The following DOCK3 variants were observed in gnomAD, a reference collection of about 807,000 sequenced individuals.
DOCK3 encodes dedicator of cytokinesis protein 3.
In DOCK3, 60 loss-of-function variants were observed where a neutral mutation model predicts 265.6. The observed-to-expected ratio is 0.23, with a 90% confidence interval of 0.18 to 0.28. The LOEUF (loss-of-function observed/expected upper bound fraction) is 0.28. Among genes scored for constraint, DOCK3 ranks in the 10% least tolerant of loss-of-function variants. The probability of loss-of-function intolerance (pLI) is 1.00; values close to 1 mark genes in which losing one functional copy is unlikely to be tolerated. For synonymous variants in DOCK3, 881 were observed against 938.0 expected (o/e 0.94, Z 1.11); for missense variants, 1,981 against 2,594.3 (o/e 0.76, Z 5.14).
In DOCK3 at chr3:51,223,577, A is replaced by G. The variant is rs1043809390; in HGVS notation, c.1253-2072A>G. On this transcript the variant is annotated intron_variant, in intron 14 of 52. Coordinates refer to ENST00000266037, the MANE Select transcript of DOCK3 (RefSeq NM_004947.5). ...ATAAATAATAAAAAAAATCTAGACT[A>G]TTCACCTTGTGCTATATCAGTCTAC... Among the ~76,000 whole-genome samples the G allele has an allele frequency of 2.0e-5, 3 of 152,144 alleles. No homozygotes were observed. The East Asian group carries it at 5.8e-4, about 29-fold the overall frequency.
At chr3:50,907,531 C>G (rs1325261170) in intron 4 of DOCK3, among the ~76,000 whole-genome samples, 2 of 151,896 alleles carry the variant, frequency 1.3e-5, no homozygotes, top group African/African-American at 4.8e-5. Context: ...CTTTTTTGAT[C>G]TTTGTTGGTT....
intron 4 of DOCK3, among the ~76,000 whole-genome samples, chr3:50,931,281 C>T (rs568142521): frequency 6.6e-6 from 1 of 152,210 alleles, no homozygotes; most frequent in Non-Finnish European, 1.5e-5. Flanking sequence ...AGGAACTTCA[C>T]TTTCTTCATG....
intron 14 of DOCK3, among the ~76,000 whole-genome samples, chr3:51,224,032 T>C (rs964780796): frequency 6.6e-6 from 1 of 152,230 alleles, no homozygotes; most frequent in Non-Finnish European, 1.5e-5. Context: ...TCCAAGGGTT[T>C]GTGCAGATGT....
At chr3:51,138,260 T>A (rs997098858) in intron 9 of DOCK3, among the ~76,000 whole-genome samples, 1 of 152,230 alleles carries the variant, frequency 6.6e-6, no homozygotes, top group Non-Finnish European at 1.5e-5. Flanking sequence ...TTCAAATAGT[T>A]TGAATATTAA....
At chr3:51,024,380 A>G (rs1452383071) in intron 5 of DOCK3, among the ~76,000 whole-genome samples, 1 of 152,188 alleles carries the variant, frequency 6.6e-6, no homozygotes, top group East Asian at 1.9e-4. Context: ...TTGTGGATGT[A>G]TCCCTGGGTA....
intron 1 of DOCK3, among the ~76,000 whole-genome samples, chr3:50,724,016 A>G (rs187480932): frequency 6.6e-6 from 1 of 152,342 alleles, no homozygotes; most frequent in African/African-American, 2.4e-5. Context: ...AAACAACCCC[A>G]TCAAAAAATG....
At chr3:51,147,237 A>T (rs910819015) in intron 10 of DOCK3, among the ~76,000 whole-genome samples, 19 of 152,228 alleles carry the variant, frequency 1.2e-4, no homozygotes, top group African/African-American at 4.6e-4. Flanking sequence ...GGTATCCACC[A>T]AGTTTACAGC....
intron 27 of DOCK3, among the ~76,000 whole-genome samples, chr3:51,294,272 A>T (rs186713853): frequency 6.6e-6 from 1 of 152,378 alleles, no homozygotes; most frequent in Admixed American, 6.5e-5. Context: ...AAGAAGTAGG[A>T]AATTTTGTCA....
chr3:50,854,885 G>A (rs2046516001), intron 3 of DOCK3, among the ~76,000 whole-genome samples: 1 of 151,946 alleles, frequency 6.6e-6, no homozygotes, highest in Non-Finnish European at 1.5e-5. Context: ...TTATTGAATA[G>A]GGTGTTCTCT....
At chr3:51,012,864 C>G (rs2079007478) in intron 5 of DOCK3, among the ~76,000 whole-genome samples, 1 of 152,088 alleles carries the variant, frequency 6.6e-6, no homozygotes, top group Non-Finnish European at 1.5e-5. Flanking sequence ...CTTTTTTTCT[C>G]TAAACCTCTC....
At chr3:50,993,002 A>G (rs948404308) in intron 5 of DOCK3, among the ~76,000 whole-genome samples, 3 of 152,222 alleles carry the variant, frequency 2.0e-5, no homozygotes, top group Non-Finnish European at 4.4e-5. Context: ...TTGGGCATCA[A>G]ATTTACACAA....
chr3:50,925,764 A>G (rs1007405389), intron 4 of DOCK3, among the ~76,000 whole-genome samples: 6 of 150,044 alleles, frequency 4.0e-5, no homozygotes, highest in Non-Finnish European at 7.4e-5. Flanking sequence ...TGATGGCGGT[A>G]GGTAAAACTG....
Position 50,989,856 on chromosome 3 carries a change from T to C in DOCK3, c.315+55779T>C, listed in dbSNP as rs553680988. On this transcript the variant is annotated intron_variant, in intron 5 of 52. Transcript: ENST00000266037. ...TGAATATGGATAGGAACAAAGATAA[T>C]TGAGAGTCAGGAGGATGGCAAAACC... Among the ~76,000 whole-genome samples the C allele has an allele frequency of 2.6e-5, 4 of 152,074 alleles. No homozygotes were observed. In the South Asian group the frequency reaches 6.2e-4, roughly 24 times the overall value.
intron 5 of DOCK3, among the ~76,000 whole-genome samples, chr3:50,977,874 C>T (rs1460552530): frequency 6.6e-6 from 1 of 151,954 alleles, no homozygotes; most frequent in Non-Finnish European, 1.5e-5. Context: ...AACTTCCCTT[C>T]TCGCTTCATT....
At chr3:51,027,092 G>A (rs2108920925) in intron 5 of DOCK3, among the ~76,000 whole-genome samples, 1 of 152,204 alleles carries the variant, frequency 6.6e-6, no homozygotes, top group East Asian at 1.9e-4. Flanking sequence ...TAGGCATTTA[G>A]GAGTATAAAC....
At chr3:51,013,519 C>T (rs1449770494) in intron 5 of DOCK3, among the ~76,000 whole-genome samples, 2 of 152,184 alleles carry the variant, frequency 1.3e-5, no homozygotes, top group East Asian at 3.9e-4. Flanking sequence ...GCAAATATTG[C>T]TGCCTGATCA....
At position 50,974,085 on chromosome 3, in the gene DOCK3, A is replaced by G. The variant is rs1177007231; in HGVS notation, c.315+40008A>G. On this transcript the variant is annotated intron_variant, in intron 5 of 52. Coordinates refer to ENST00000266037, the MANE Select transcript of DOCK3 (RefSeq NM_004947.5). Reference sequence around the variant, plus strand: ...TTGCAAAAATTTTCTCCCATTTTGTAGGTTGCCTGTTCACTCTGATGGTAG... The same window carrying G: ...TTGCAAAAATTTTCTCCCATTTTGTGGGTTGCCTGTTCACTCTGATGGTAG... Among the ~76,000 whole-genome samples, 363 of 150,792 alleles carry G rather than the reference A, an allele frequency of 2.4e-3. 5 individuals are homozygous for G. In the South Asian group the frequency reaches 0.046, roughly 19 times the overall value.
At chr3:50,906,010 A>G (rs1388311051) in intron 4 of DOCK3, among the ~76,000 whole-genome samples, 3 of 151,974 alleles carry the variant, frequency 2.0e-5, no homozygotes, top group East Asian at 1.9e-4. Context: ...TTCTGCATCT[A>G]TTGAGATAAT....
At chr3:51,068,455 G>C (rs2081699210) in intron 6 of DOCK3, among the ~76,000 whole-genome samples, 1 of 147,400 alleles carries the variant, frequency 6.8e-6, no homozygotes, top group Admixed American at 6.8e-5. Flanking sequence ...CAGGAGAATG[G>C]TGTGAACCCA....
Sources: gnomAD v4.1 joint callset for allele counts (sites outside exome capture counted in the v4.1 genomes callset) on GRCh38, gnomAD v4.1.1 for gene constraint, MANE v1.5 for transcripts, NCBI Gene and HGNC (gene_info 2026-07-23, HGNC 2026-07-21) for gene names.